The following OXSR1 variants were observed in gnomAD, a reference collection of about 807,000 sequenced individuals.
The protein encoded by OXSR1 is serine/threonine-protein kinase OSR1.
A neutral mutation model predicts 79.8 loss-of-function variants in OXSR1; 24 were observed. The observed-to-expected ratio is 0.30, with a 90% confidence interval of 0.22 to 0.42. OXSR1 has a LOEUF of 0.42. OXSR1 is among the 10% of genes least tolerant of loss of function. The probability of loss-of-function intolerance (pLI) is 1.00; values close to 1 mark genes in which losing one functional copy is unlikely to be tolerated. For synonymous variants in OXSR1, 226 were observed against 209.2 expected (o/e 1.08, Z -0.69); for missense variants, 430 against 618.4 (o/e 0.70, Z 3.23).
intron 11 of OXSR1, among the ~76,000 whole-genome samples, chr3:38,239,992 C>T (rs1559526250): frequency 6.6e-6 from 1 of 152,034 alleles, no homozygotes; most frequent in Non-Finnish European, 1.5e-5. Context: ...TATATTTTGT[C>T]TTTTTTTGCA....
intron 9 of OXSR1, 42 bp downstream of exon 9, chr3:38,229,777 C>T: frequency 7.0e-7 from 1 of 1,422,554 alleles, no homozygotes; most frequent in Non-Finnish European, 9.9e-7. Flanking sequence ...TCATAGGATG[C>T]TCCTCAATTA....
intron 1 of OXSR1, among the ~76,000 whole-genome samples, chr3:38,180,320 C>G (rs935937510): frequency 3.3e-5 from 5 of 152,104 alleles, no homozygotes; most frequent in African/African-American, 1.2e-4. Context: ...GCTGTACTCC[C>G]CATTTCTCCC....
At chr3:38,196,227 G>C (rs1422259145) in intron 3 of OXSR1, among the ~76,000 whole-genome samples, 1 of 152,018 alleles carries the variant, frequency 6.6e-6, no homozygotes, top group African/African-American at 2.4e-5. Flanking sequence ...GTATTAATTG[G>C]GTTATTCAGT....
rs12107638 is a variant in OXSR1, at chr3:38,253,772, G to A, written c.*881G>A. Reference sequence around the variant, plus strand: ...TCAATCCTCCCATGAAAATCAGTTCGCCTGGCCTCCAAGTCGTGAGGAAAT... The same window carrying A: ...TCAATCCTCCCATGAAAATCAGTTCACCTGGCCTCCAAGTCGTGAGGAAAT... On this transcript the variant is annotated 3_prime_UTR_variant, in exon 18 of 18. Coordinates refer to ENST00000311806, the MANE Select transcript of OXSR1 (RefSeq NM_005109.3). 2.0e-3 allele frequency: 336 copies of A among 169,262 alleles called. 1 individual carries two copies. The highest frequency in any genetic ancestry group is 7.5e-3 in the African/African-American group (317 of 42,318). The allele number at this position is 169,262 out of a possible 1,614,324, so 10.5% of individuals were successfully genotyped here. A position where few individuals can be genotyped will look rare whatever the true frequency, so the allele number is the denominator to read the frequency against.
At chr3:38,222,608 T>C (rs934888078) in intron 6 of OXSR1, among the ~76,000 whole-genome samples, 5 of 152,160 alleles carry the variant, frequency 3.3e-5, no homozygotes, top group African/African-American at 1.2e-4. Context: ...TCCCCAAACC[T>C]ATTTCTCCTA....
At chr3:38,179,762 A>C (rs1229808653) in intron 1 of OXSR1, among the ~76,000 whole-genome samples, 1 of 151,856 alleles carries the variant, frequency 6.6e-6, no homozygotes, top group African/African-American at 2.4e-5. Flanking sequence ...TGAGTTTCTC[A>C]TCCTGTGAAT....
chr3:38,236,105 T>C (rs1702912923), intron 10 of OXSR1, among the ~76,000 whole-genome samples: 1 of 152,080 alleles, frequency 6.6e-6, no homozygotes, highest in South Asian at 2.1e-4. Context: ...GAAATAGAAG[T>C]GGTAATGTAT....
At chr3:38,167,103 AG>A (rs1336878276) in intron 1 of OXSR1, among the ~76,000 whole-genome samples, 1 of 152,224 alleles carries the variant, frequency 6.6e-6, no homozygotes, top group African/African-American at 2.4e-5. Flanking sequence ...GCCAGATCTT[AG>A]GGATCTTCTC....
chr3:38,213,460 A>G (rs1702425996), intron 4 of OXSR1, among the ~76,000 whole-genome samples: 1 of 152,208 alleles, frequency 6.6e-6, no homozygotes, highest in Admixed American at 6.5e-5. Flanking sequence ...CTAAGGAGAC[A>G]TTGCAGCTGA....
chr3:38,251,315 ATGGCACAC>A, intron 15 of OXSR1, 80 bp from the exon 16 acceptor site: 1 of 1,068,952 alleles, frequency 9.4e-7, no homozygotes, highest in East Asian at 2.4e-5. Flanking sequence ...TGGGCCTAGC[ATGGCACAC>A]TGACACCCAC....
rs28393980 is a variant in OXSR1, at chr3:38,244,020, G to C, written c.1110+1242G>C. Among the ~76,000 whole-genome samples the C allele has an allele frequency of 6.6e-3, 999 of 152,292 alleles. 10 individuals are homozygous for C. The highest frequency in any genetic ancestry group is 0.023 in the African/African-American group (962 of 41,558). On this transcript the variant is annotated intron_variant, in intron 12 of 17. Transcript: ENST00000311806. Reference sequence around the variant, plus strand: ...ATACCGAGCTTGTTAGCCCCCGCTGGCGAGAGATAGACTTGAAGTGTGTCC... The same window carrying C: ...ATACCGAGCTTGTTAGCCCCCGCTGCCGAGAGATAGACTTGAAGTGTGTCC...
intron 1 of OXSR1, among the ~76,000 whole-genome samples, chr3:38,181,216 C>G (rs1701779227): frequency 6.6e-6 from 1 of 151,520 alleles, no homozygotes; most frequent in Admixed American, 6.6e-5. Flanking sequence ...TCTGTCATTT[C>G]CACTCTGCTA....
rs953135832 is a variant in OXSR1, at chr3:38,176,143, A to T, written c.71-6860A>T. On this transcript the variant is annotated intron_variant, in intron 1 of 17. Transcript: ENST00000311806. ...TTTATACTGAAGTAACAGTTTTACA[A>T]ATAACTTTTGTTTTTGTTATGTGCA... 1.2e-3 allele frequency among the ~76,000 whole-genome samples: 184 copies of T among 152,308 alleles called. 1 individual carries two copies. Among genetic ancestry groups the T allele is most frequent in the Non-Finnish European group, 5.1e-4 (35 of 68,014 alleles).
At chr3:38,230,250 C>T (rs1482932454) in intron 9 of OXSR1, 115 bp from the exon 10 acceptor site, 6 of 701,360 alleles carry the variant, frequency 8.6e-6, no homozygotes, top group Non-Finnish European at 1.3e-5. Context: ...GTTTTTCTCA[C>T]ACTTCATTAC....
At chr3:38,231,657 G>A (rs1286983551) in intron 10 of OXSR1, among the ~76,000 whole-genome samples, 1 of 152,054 alleles carries the variant, frequency 6.6e-6, no homozygotes, top group African/African-American at 2.4e-5. Context: ...TATCTTCAGT[G>A]TGCCTAGAAT....
At chr3:38,225,380 A>G (rs1391777478) in intron 8 of OXSR1, among the ~76,000 whole-genome samples, 4 of 152,134 alleles carry the variant, frequency 2.6e-5, no homozygotes, top group African/African-American at 9.6e-5. Context: ...TTTCACATAT[A>G]TATTCCACTC....
intron 1 of OXSR1, among the ~76,000 whole-genome samples, chr3:38,179,471 A>C (rs990690424): frequency 1.8e-4 from 28 of 152,130 alleles, no homozygotes; most frequent in African/African-American, 6.8e-4. Flanking sequence ...CTGGCCTATA[A>C]CAGCTTTATT....
intron 12 of OXSR1, among the ~76,000 whole-genome samples, chr3:38,245,536 T>C (rs1047672317): frequency 4.6e-5 from 7 of 152,216 alleles, no homozygotes; most frequent in Non-Finnish European, 5.9e-5. Context: ...CATACTTAAA[T>C]CTGTATTTTG....
chr3:38,193,408 G>A (rs1295881776), intron 3 of OXSR1: 1 of 1,286,134 alleles, frequency 7.8e-7, no homozygotes, highest in Non-Finnish European at 1.0e-6. Flanking sequence ...GGAGAGATAT[G>A]GGAGTATTAG....
Sources: allele counts gnomAD v4.1 joint callset (sites outside exome capture counted in the v4.1 genomes callset), GRCh38; gene constraint gnomAD v4.1.1; transcripts MANE v1.5; gene names NCBI Gene and HGNC (gene_info 2026-07-23, HGNC 2026-07-21).